The following QTMAN variants were observed in gnomAD, a reference collection of about 807,000 sequenced individuals.
QTMAN encodes queuosine-tRNA mannosyltransferase, also known as tRNA-queuosine alpha-mannosyltransferase.
At chr2:144,039,050 G>A in the QTMAN span, among the ~76,000 whole-genome samples, 1 of 152,058 alleles carries the variant, frequency 6.6e-6, no homozygotes, top group Non-Finnish European at 1.5e-5. Context: ...TTTTTCAGGT[G>A]TGGAGTCAAA....
the QTMAN span, among the ~76,000 whole-genome samples, chr2:143,967,515 A>G: frequency 0.099 from 14,977 of 151,726 alleles, 1,094 homozygotes; most frequent in African/African-American, 0.2. Context: ...ATTTTCAGTA[A>G]AGATGGGGTT....
the QTMAN span, among the ~76,000 whole-genome samples, chr2:144,027,982 A>G: frequency 6.6e-6 from 1 of 152,170 alleles, no homozygotes; most frequent in East Asian, 1.9e-4. Context: ...GGCCGTTAGT[A>G]TCTAAACTCC....
the QTMAN span, among the ~76,000 whole-genome samples, chr2:144,117,470 CAT>C: frequency 6.6e-6 from 1 of 152,074 alleles, no homozygotes; most frequent in Non-Finnish European, 1.5e-5. Context: ...AATTATAAAA[CAT>C]AAAAACTTTC....
the QTMAN span, among the ~76,000 whole-genome samples, chr2:143,956,555 A>C: frequency 1.3e-5 from 2 of 152,128 alleles, no homozygotes; most frequent in Non-Finnish European, 2.9e-5. Context: ...GAAATGATTC[A>C]ATTTTTGTCA....
chr2:143,938,632 T>C, the QTMAN span: 1 of 150,476 alleles, frequency 6.6e-6, no homozygotes, highest in South Asian at 2.1e-4. Context: ...TAGATGATGT[T>C]TTTTTCCATT....
At chr2:144,115,996 A>G in the QTMAN span, among the ~76,000 whole-genome samples, 1 of 152,164 alleles carries the variant, frequency 6.6e-6, no homozygotes, top group Non-Finnish European at 1.5e-5. Flanking sequence ...TCTAGTTGCT[A>G]CTACCAAGCA....
At chr2:144,042,960 G>C in the QTMAN span, among the ~76,000 whole-genome samples, 3 of 152,122 alleles carry the variant, frequency 2.0e-5, no homozygotes, top group Admixed American at 6.5e-5. Context: ...TGTCCACTAA[G>C]AGATCTATTC....
chr2:144,025,762 G>A, the QTMAN span, among the ~76,000 whole-genome samples: 4 of 152,118 alleles, frequency 2.6e-5, no homozygotes, highest in African/African-American at 9.7e-5. Context: ...CCTAAGAGAG[G>A]CCCTCAAACA....
At chr2:144,220,034 G>A in the QTMAN span, among the ~76,000 whole-genome samples, 3 of 152,154 alleles carry the variant, frequency 2.0e-5, no homozygotes, top group East Asian at 1.9e-4. Context: ...TTTAAGACAC[G>A]TGCTGACAGT....
chr2:144,331,992 C>G, the QTMAN span, among the ~76,000 whole-genome samples: 1 of 152,238 alleles, frequency 6.6e-6, no homozygotes, highest in Non-Finnish European at 1.5e-5. Context: ...CCCCAGCCAA[C>G]TCAGGCCAAC....
the QTMAN span, among the ~76,000 whole-genome samples, chr2:144,013,961 G>C: frequency 1.4e-4 from 21 of 152,066 alleles, no homozygotes; most frequent in African/African-American, 4.8e-4. Context: ...AAGTATAAAA[G>C]TAAAAATTTT....
the QTMAN span, among the ~76,000 whole-genome samples, chr2:144,234,508 C>T: frequency 2.0e-5 from 3 of 152,144 alleles, no homozygotes; most frequent in Non-Finnish European, 4.4e-5. Context: ...TTACACTAAG[C>T]TCAGCATCAT....
chr2:144,133,199 ATATATT>A, the QTMAN span, among the ~76,000 whole-genome samples: 451 of 79,914 alleles, frequency 5.6e-3, 6 homozygotes, highest in African/African-American at 0.025. Context: ...ATTTATATAT[ATATATT>A]TATATATACA....
chr2:144,043,714 C>A, the QTMAN span, among the ~76,000 whole-genome samples: 1 of 151,550 alleles, frequency 6.6e-6, no homozygotes, highest in African/African-American at 2.4e-5. Context: ...GGCTAACTGA[C>A]CAACAGTCCT....
the QTMAN span, among the ~76,000 whole-genome samples, chr2:144,195,750 A>G: frequency 6.6e-6 from 1 of 152,300 alleles, no homozygotes; most frequent in Admixed American, 6.5e-5. Flanking sequence ...TTCAGAGCAA[A>G]TAAGACCTCA....
the QTMAN span, among the ~76,000 whole-genome samples, chr2:144,123,972 T>G: frequency 1.3e-5 from 2 of 152,112 alleles, no homozygotes; most frequent in Non-Finnish European, 2.9e-5. Context: ...AGGAATTCCC[T>G]CTAAACAAAC....
the QTMAN span, among the ~76,000 whole-genome samples, chr2:144,250,103 C>A: frequency 6.6e-6 from 1 of 150,652 alleles, no homozygotes; most frequent in African/African-American, 2.4e-5. Context: ...CAAAACTTAT[C>A]ACACTGCCGT....
At chr2:144,158,474 G>A in the QTMAN span, among the ~76,000 whole-genome samples, 1 of 151,890 alleles carries the variant, frequency 6.6e-6, no homozygotes, top group Non-Finnish European at 1.5e-5. Flanking sequence ...GGCTGTGTGT[G>A]GATGTGTGTG....
the QTMAN span, chr2:143,941,486 A>G: frequency 4.6e-5 from 7 of 152,214 alleles, no homozygotes; most frequent in Admixed American, 4.6e-4. Context: ...CACCCTGGCT[A>G]ACATGGTGAA....
Sources: gnomAD v4.1 joint callset for allele counts (sites outside exome capture counted in the v4.1 genomes callset) on GRCh38, gnomAD v4.1.1 for gene constraint, MANE v1.5 for transcripts, NCBI Gene and HGNC (gene_info 2026-07-23, HGNC 2026-07-21) for gene names.